Variants in C1orf21 observed in about 807,000 individuals in gnomAD.
C1orf21 encodes chromosome 1 open reading frame 21.
A neutral mutation model predicts 18.7 loss-of-function variants in C1orf21; 3 were observed. The ratio of observed to expected loss-of-function variants is 0.16; its 90% CI spans 0.07 to 0.42. The LOEUF (loss-of-function observed/expected upper bound fraction) is 0.42. Ranked by LOEUF, C1orf21 falls within the 10% of genes least tolerant of loss-of-function variation. The pLI is 0.99. For missense variants in C1orf21, 104 were observed against 143.6 expected (o/e 0.72, Z 1.41); for synonymous variants, 41 against 46.4 (o/e 0.88, Z 0.47).
intron 3 of C1orf21, among the ~76,000 whole-genome samples, chr1:184,516,893 T>C (rs1658238710): frequency 6.6e-6 from 1 of 152,204 alleles, no homozygotes; most frequent in Non-Finnish European, 1.5e-5. Flanking sequence ...GATGAAATGC[T>C]TCAGAAGCTC....
intron 3 of C1orf21, among the ~76,000 whole-genome samples, chr1:184,556,269 CT>C (rs781230833): frequency 9.9e-5 from 15 of 152,218 alleles, no homozygotes; most frequent in Non-Finnish European, 1.8e-4. Context: ...GAAAAGGAAC[CT>C]GCAGTGCCTG....
intron 1 of C1orf21, among the ~76,000 whole-genome samples, chr1:184,421,636 G>T (rs1415129382): frequency 6.6e-6 from 1 of 152,030 alleles, no homozygotes; most frequent in Non-Finnish European, 1.5e-5. Flanking sequence ...TACTTGGGGC[G>T]GTAGAAGTTT....
intron 1 of C1orf21, among the ~76,000 whole-genome samples, chr1:184,414,966 G>A (rs1368735011): frequency 1.3e-5 from 2 of 152,182 alleles, no homozygotes; most frequent in Non-Finnish European, 2.9e-5. Flanking sequence ...TTAGAGGTAC[G>A]TGTGATGAAG....
At chr1:184,514,486 A>C (rs1658195311) in intron 3 of C1orf21, among the ~76,000 whole-genome samples, 1 of 152,224 alleles carries the variant, frequency 6.6e-6, no homozygotes, top group African/African-American at 2.4e-5. Context: ...TTAGATTGGC[A>C]AAATGTTGAA....
At chr1:184,435,819 G>A (rs1656848789) in intron 1 of C1orf21, among the ~76,000 whole-genome samples, 1 of 152,212 alleles carries the variant, frequency 6.6e-6, no homozygotes, top group African/African-American at 2.4e-5. Flanking sequence ...GAAAGTGATT[G>A]AAAGGCTGGA....
At position 184,519,263 on chromosome 1, in the gene C1orf21, T is replaced by G. The variant is rs369783956; in HGVS notation, c.189+11581T>G. 1.7e-4 allele frequency among the ~76,000 whole-genome samples: 26 copies of G among 152,334 alleles called. No individual in the cohort carries two copies. The East Asian group carries it at 5.0e-3, about 29-fold the overall frequency. On this transcript the variant is annotated intron_variant, in intron 3 of 5. Coordinates refer to ENST00000235307, the MANE Select transcript of C1orf21 (RefSeq NM_030806.4). ...AAAAGTGGTTGAACAGATTTACTCT[T>G]GACCTCCTCCTGTCCAGTAAAGGAT...
intron 3 of C1orf21, among the ~76,000 whole-genome samples, chr1:184,589,811 T>C (rs540490572): frequency 2.6e-5 from 4 of 152,288 alleles, no homozygotes; most frequent in Non-Finnish European, 5.9e-5. Flanking sequence ...AAATAGGACC[T>C]CAAAAAGAGC....
intron 2 of C1orf21, among the ~76,000 whole-genome samples, chr1:184,498,220 C>G (rs1657921934): frequency 6.6e-6 from 1 of 152,202 alleles, no homozygotes; most frequent in South Asian, 2.1e-4. Context: ...GCCTGAGATG[C>G]TCAAAGGCTA....
rs1659910849 is a variant in C1orf21 at position 184,621,166 on chromosome 1, T to C, written c.*1610T>C. On this transcript the variant is annotated 3_prime_UTR_variant, in exon 6 of 6. Coordinates refer to ENST00000235307, the MANE Select transcript of C1orf21 (RefSeq NM_030806.4). Reference sequence around the variant, plus strand: ...TATCCACATCCAACTGATGGCACCATTGATGTGCAAATAATGAGATTCCCT... The same window carrying C: ...TATCCACATCCAACTGATGGCACCACTGATGTGCAAATAATGAGATTCCCT... The C allele has an allele frequency of 1.3e-5, 2 of 152,482 alleles. No homozygotes were observed. The highest frequency in any genetic ancestry group is 2.1e-4 in the South Asian group (1 of 4,834). The allele number at this position is 152,482 out of a possible 1,614,324, so 9.4% of individuals were successfully genotyped here. A position where few individuals can be genotyped will look rare whatever the true frequency, so the allele number is the denominator to read the frequency against.
chr1:184,505,340 T>TATATATATATATATATAC (rs1285554960), intron 2 of C1orf21, among the ~76,000 whole-genome samples: 4 of 118,684 alleles, frequency 3.4e-5, no homozygotes, highest in Non-Finnish European at 3.2e-5. Context: ...TATATATATA[T>TATATATATATATATATAC]ACACACATGC....
chr1:184,398,462 C>T (rs1411186230), intron 1 of C1orf21, among the ~76,000 whole-genome samples: 1 of 152,194 alleles, frequency 6.6e-6, no homozygotes, highest in Non-Finnish European at 1.5e-5. Context: ...CTTCCTCGTA[C>T]ACTCCTTTCT....
intron 2 of C1orf21, among the ~76,000 whole-genome samples, chr1:184,479,690 G>T (rs757967540): frequency 4.7e-5 from 7 of 149,402 alleles, no homozygotes; most frequent in Non-Finnish European, 8.9e-5. Flanking sequence ...TGCGATCAGG[G>T]TTCACTGCTG....
intron 3 of C1orf21, chr1:184,545,924 A>G (rs1162508516): frequency 1.3e-5 from 2 of 152,152 alleles, no homozygotes; most frequent in Non-Finnish European, 2.9e-5. Flanking sequence ...TCCTAGCCCT[A>G]GGGTGAAATG....
At chr1:184,598,847 T>C (rs1220683607) in intron 5 of C1orf21, among the ~76,000 whole-genome samples, 2 of 152,220 alleles carry the variant, frequency 1.3e-5, no homozygotes, top group Non-Finnish European at 2.9e-5. Context: ...ATGGCACTGA[T>C]CTGAGTTCTT....
At chr1:184,542,350 G>A (rs563885321) in intron 3 of C1orf21, among the ~76,000 whole-genome samples, 1 of 152,244 alleles carries the variant, frequency 6.6e-6, no homozygotes, top group East Asian at 1.9e-4. Context: ...AAACACTTAG[G>A]TAACTTGCCT....
Position 184,572,867 on chromosome 1 carries a change from G to A in C1orf21, c.190-17872G>A, listed in dbSNP as rs539512354. Among the ~76,000 whole-genome samples, 93 of 151,654 alleles carry A rather than the reference G, an allele frequency of 6.1e-4. 1 individual carries two copies. Among genetic ancestry groups the A allele is most frequent in the African/African-American group, 1.9e-3 (80 of 41,284 alleles). On this transcript the variant is annotated intron_variant, in intron 3 of 5. Coordinates refer to ENST00000235307, the MANE Select transcript of C1orf21 (RefSeq NM_030806.4). ...CTCAGGAGGCTGAGGCAGGAGACTC[G>A]CTTGAACCAGGAGGCGGAGGTTGCA...
chr1:184,484,933 G>A (rs1034026877), intron 2 of C1orf21, among the ~76,000 whole-genome samples: 13 of 150,354 alleles, frequency 8.6e-5, no homozygotes, highest in African/African-American at 3.2e-4. Flanking sequence ...ATGGTGTTAT[G>A]CCAATCTATT....
chr1:184,459,214 G>C (rs1452509448), intron 1 of C1orf21, among the ~76,000 whole-genome samples: 1 of 152,126 alleles, frequency 6.6e-6, no homozygotes, highest in South Asian at 2.1e-4. Flanking sequence ...AATTTATTTA[G>C]TAAATATCCT....
At chr1:184,429,875 G>A (rs932557249) in intron 1 of C1orf21, among the ~76,000 whole-genome samples, 1 of 152,212 alleles carries the variant, frequency 6.6e-6, no homozygotes, top group Admixed American at 6.5e-5. Flanking sequence ...TTGGGAGGCT[G>A]AGGTAGGCGG....
Sources: gnomAD v4.1 joint callset for allele counts (sites outside exome capture counted in the v4.1 genomes callset) on GRCh38, gnomAD v4.1.1 for gene constraint, MANE v1.5 for transcripts, NCBI Gene and HGNC (gene_info 2026-07-23, HGNC 2026-07-21) for gene names.